NPM1: variants seen among roughly 807,000 people sequenced by gnomAD.
NPM1 encodes the protein nucleophosmin.
NPM1 carries 1 observed loss-of-function variant against 44.1 expected under a neutral mutation model. That is an observed-to-expected ratio of 0.02 (90% CI 0.01 to 0.11). The LOEUF (loss-of-function observed/expected upper bound fraction) is 0.11. Among genes scored for constraint, NPM1 ranks in the 10% least tolerant of loss-of-function variants. The probability of loss-of-function intolerance (pLI) is 1.00; values close to 1 mark genes in which losing one functional copy is unlikely to be tolerated. For synonymous variants in NPM1, 126 were observed against 111.8 expected, an observed-to-expected ratio of 1.13 and a Z score of -0.80; for missense variants, 197 against 347.8, an observed-to-expected ratio of 0.57 and a Z score of 3.45.
At chr5:171,392,508 GCTT>G (rs1459094865) in intron 4 of NPM1, among the ~76,000 whole-genome samples, 199 bp from the exon 5 acceptor site, 1 of 151,886 alleles carries the variant, frequency 6.6e-6, no homozygotes, top group East Asian at 1.9e-4. Flanking sequence ...CCCTCCCCAG[GCTT>G]CTTGCATTTA....
chr5:171,403,872 C>G (rs1396976429), intron 8 of NPM1, among the ~76,000 whole-genome samples: 5 of 56,406 alleles, frequency 8.9e-5, no homozygotes, highest in Admixed American at 4.1e-4. Context: ...GCTGACCCCC[C>G]CACCTCCCTC....
rs148384953 is a variant in NPM1, at chr5:171,390,299, G to T, written c.138+169G>T. ...TGTCTGTACATCTTTGAAGAACTTG[G>T]CATCTATACCACTCATTTGGTAACC... is the stretch of plus-strand genomic sequence containing the variant. On this transcript the variant is annotated intron_variant, in intron 2 of 10. Coordinates refer to ENST00000296930, the MANE Select transcript of NPM1 (RefSeq NM_002520.7). 4.3e-4 allele frequency: 205 copies of T among 473,520 alleles called. 1 individual carries two copies. Among genetic ancestry groups the T allele is most frequent in the African/African-American group, 3.8e-3 (186 of 48,844 alleles). The allele number at this position is 473,520 out of a possible 1,614,324, so 29.3% of individuals were successfully genotyped here. A position where few individuals can be genotyped will look rare whatever the true frequency, so the allele number is the denominator to read the frequency against.
upstream of NPM1, chr5:171,387,702 G>A (rs1398257048): frequency 3.6e-6 from 2 of 556,126 alleles, no homozygotes; most frequent in Admixed American, 3.2e-5. Context: ...TGGGGGCGAG[G>A]TAGAAAGGAG....
chr5:171,392,573 T>C (rs1770630572), intron 4 of NPM1, 137 bp from the exon 5 acceptor site: 1 of 563,914 alleles, frequency 1.8e-6, no homozygotes, highest in African/African-American at 2.1e-5. Flanking sequence ...AAAAGTTCCT[T>C]TTCCCATGTG....
At chr5:171,400,816 T>C in intron 7 of NPM1, 23 bp from the exon 8 acceptor site, 1 of 1,493,802 alleles carries the variant, frequency 6.7e-7, no homozygotes, top group Middle Eastern at 1.7e-4. Flanking sequence ...GGGACAGTGA[T>C]TAAGATAAAT....
intron 6 of NPM1, among the ~76,000 whole-genome samples, chr5:171,396,828 C>T (rs1057267378): frequency 1.3e-5 from 2 of 152,096 alleles, no homozygotes; most frequent in Non-Finnish European, 2.9e-5. Context: ...TAACATACAG[C>T]TGGGTGTGAT....
At chr5:171,402,454 CAA>C (rs1471454821) in intron 8 of NPM1, among the ~76,000 whole-genome samples, 1 of 144,404 alleles carries the variant, frequency 6.9e-6, no homozygotes, top group East Asian at 2.0e-4. Context: ...GGCGATTCCT[CAA>C]AGAGCTAAAA....
At chr5:171,388,586 A>G (rs1166616798) in intron 1 of NPM1, among the ~76,000 whole-genome samples, 3 of 112,146 alleles carry the variant, frequency 2.7e-5, no homozygotes, top group Non-Finnish European at 5.2e-5. Context: ...CGTGGTTGCC[A>G]CGTGGTTGGG....
At chr5:171,400,815 A>AT in intron 7 of NPM1, 24 bp from the exon 8 acceptor site, 1 of 1,488,466 alleles carries the variant, frequency 6.7e-7, no homozygotes, top group Non-Finnish European at 9.4e-7. Context: ...AGGGACAGTG[A>AT]TTAAGATAAA....
At chr5:171,387,846 G>A (rs1040227942), upstream of NPM1, 44 of 1,099,824 alleles carry the variant, frequency 4.0e-5, no homozygotes, top group Non-Finnish European at 5.8e-5. Context: ...GGGAGCCTGC[G>A]TCCTTTCCCT....
intron 7 of NPM1, 190 bp from the exon 8 acceptor site, chr5:171,400,649 T>C (rs1771148274): frequency 2.0e-6 from 1 of 496,700 alleles, no homozygotes; most frequent in East Asian, 3.5e-5. Flanking sequence ...TAGACCACCA[T>C]GTCGGCCAGG....
chr5:171,394,437 G>A (rs1179348265), intron 6 of NPM1, among the ~76,000 whole-genome samples: 4 of 152,056 alleles, frequency 2.6e-5, no homozygotes, highest in Admixed American at 2.6e-4. Flanking sequence ...TCCTCCCAAA[G>A]TGCTGGGATT....
chr5:171,405,180 G>C (rs1301972272), intron 8 of NPM1, 122 bp from the exon 9 acceptor site: 1 of 623,280 alleles, frequency 1.6e-6, no homozygotes, highest in Non-Finnish European at 2.9e-6. Flanking sequence ...GATAATTCCA[G>C]TTGTATAATT....
Position 171,405,433 on chromosome 5 carries a change from T to G in NPM1, c.771+30T>G, listed in dbSNP as rs767585566. On this transcript the variant is annotated intron_variant, in intron 9 of 10. Transcript: ENST00000296930. ...GTAAAGTTATCTTAAAAAAACTTTGTCTCCCCCCTCAAATTGCACGTGTCT... is the reference window on the plus strand; with the variant it reads ...GTAAAGTTATCTTAAAAAAACTTTGGCTCCCCCCTCAAATTGCACGTGTCT... 8.1e-6 allele frequency: 8 copies of G among 982,432 alleles called. No individual in the cohort carries two copies. In the South Asian group the frequency reaches 9.9e-5, roughly 12 times the overall value. 60.9% of individuals were successfully genotyped at this position (982,432 alleles called of 1,614,324 possible). A position where few individuals can be genotyped will look rare whatever the true frequency, so the allele number is the denominator to read the frequency against.
At position 171,410,594 on chromosome 5, in the gene NPM1, A is replaced by T. The variant is rs200638434; in HGVS notation, c.*29A>T. ...AATAGTTTAAACAATTTGTTAAAAA[A>T]TTTTCCGTCTTATTTCATTTCTGTA... On this transcript the variant is annotated 3_prime_UTR_variant, in exon 11 of 11. Transcript: ENST00000296930. The T allele has an allele frequency of 2.1e-6, 3 of 1,419,444 alleles. No homozygotes were observed. The highest frequency in any genetic ancestry group is 1.4e-5 in the African/African-American group (1 of 69,962). The allele number at this position is 1,419,444 out of a possible 1,614,324, so 87.9% of individuals were successfully genotyped here. A position where few individuals can be genotyped will look rare whatever the true frequency, so the allele number is the denominator to read the frequency against.
intron 6 of NPM1, among the ~76,000 whole-genome samples, chr5:171,393,400 A>T (rs1242125844): frequency 2.0e-5 from 3 of 152,238 alleles, no homozygotes; most frequent in Admixed American, 2.0e-4. Context: ...GTTATTCCCT[A>T]AAAGGATTTT....
At chr5:171,389,549 T>C (rs1430825677) in intron 1 of NPM1, among the ~76,000 whole-genome samples, 2 of 152,224 alleles carry the variant, frequency 1.3e-5, no homozygotes, top group Non-Finnish European at 2.9e-5. Flanking sequence ...GTATGTCACT[T>C]TCTGTTGCTT....
At chr5:171,401,368 T>C (rs991500182) in intron 8 of NPM1, among the ~76,000 whole-genome samples, 1 of 151,558 alleles carries the variant, frequency 6.6e-6, no homozygotes, top group African/African-American at 2.4e-5. Context: ...AAAAATCAGC[T>C]TGTTGTGTGT....
At chr5:171,387,776 C>G, upstream of NPM1, 2 of 655,796 alleles carry the variant, frequency 3.0e-6, no homozygotes, top group Non-Finnish European at 5.4e-6. Context: ...TCGGAGCACG[C>G]GCGCGGAGGC....
Sources: gnomAD v4.1 joint callset for allele counts (sites outside exome capture counted in the v4.1 genomes callset) on GRCh38, gnomAD v4.1.1 for gene constraint, MANE v1.5 for transcripts, NCBI Gene and HGNC (gene_info 2026-07-23, HGNC 2026-07-21) for gene names.